Variants in PLCB4 observed in about 807,000 individuals in gnomAD.
The protein encoded by PLCB4 is 1-phosphatidylinositol 4,5-bisphosphate phosphodiesterase beta-4.
PLCB4 carries 77 observed loss-of-function variants against 178.8 expected under a neutral mutation model. The ratio of observed to expected loss-of-function variants is 0.43; its 90% CI spans 0.36 to 0.52. The LOEUF is 0.52. Ranked by LOEUF, PLCB4 falls within the 20% of genes least tolerant of loss-of-function variation. The pLI is 0.00. For synonymous variants in PLCB4, 496 were observed against 490.8 expected (o/e 1.01, Z -0.14); for missense variants, 1,024 against 1,453.4 (o/e 0.70, Z 4.80).
chr20:9,237,306 C>G (rs1184800122), intron 3 of PLCB4, among the ~76,000 whole-genome samples: 1 of 152,078 alleles, frequency 6.6e-6, no homozygotes, highest in Admixed American at 6.6e-5. Flanking sequence ...CCCCAACCCA[C>G]ACCCCCATAT....
intron 2 of PLCB4, among the ~76,000 whole-genome samples, chr20:9,207,178 T>A (rs1157357377): frequency 6.6e-6 from 1 of 152,152 alleles, no homozygotes; most frequent in Non-Finnish European, 1.5e-5. Flanking sequence ...AAGCATCAGA[T>A]TAAAGGAGGT....
chr20:9,373,268 G>T (rs2036401285), intron 12 of PLCB4, among the ~76,000 whole-genome samples, 164 bp downstream of exon 12: 1 of 152,158 alleles, frequency 6.6e-6, no homozygotes, highest in African/African-American at 2.4e-5. Context: ...CTGCCGCCCT[G>T]TGTGTTCATG....
At chr20:9,444,131 A>C (rs1180402739) in intron 31 of PLCB4, 47 bp from the exon 32 acceptor site, 1 of 1,499,630 alleles carries the variant, frequency 6.7e-7, no homozygotes, top group Admixed American at 1.8e-5. Context: ...GTGATTACAA[A>C]AAGAAAAAAC....
chr20:9,079,138 C>T (rs573870279), intron 1 of PLCB4, among the ~76,000 whole-genome samples: 42 of 152,326 alleles, frequency 2.8e-4, no homozygotes, highest in African/African-American at 9.4e-4. Flanking sequence ...TAGTGTTTCA[C>T]AGTTTACAGA....
At chr20:9,373,012 C>T (rs1359731503) in intron 11 of PLCB4, 35 bp from the exon 12 acceptor site, 6 of 1,006,116 alleles carry the variant, frequency 6.0e-6, no homozygotes, top group South Asian at 1.3e-5. Context: ...GCATCATATA[C>T]AAAAACTTAC....
chr20:9,088,957 A>G (rs1300708470), intron 1 of PLCB4, among the ~76,000 whole-genome samples: 2 of 152,058 alleles, frequency 1.3e-5, no homozygotes, highest in East Asian at 3.8e-4. Flanking sequence ...CAGAGAAATG[A>G]CATAATGATG....
chr20:9,370,021 C>T (rs759932531), intron 9 of PLCB4, among the ~76,000 whole-genome samples: 2 of 152,150 alleles, frequency 1.3e-5, no homozygotes, highest in Non-Finnish European at 2.9e-5. Context: ...ATTGAAGGCT[C>T]CTTGGTGGCT....
At chr20:9,289,303 G>T (rs2094560423) in intron 3 of PLCB4, among the ~76,000 whole-genome samples, 1 of 152,018 alleles carries the variant, frequency 6.6e-6, no homozygotes, top group Admixed American at 6.6e-5. Context: ...GCTAGATTGT[G>T]ATGTTTTTAT....
intron 2 of PLCB4, among the ~76,000 whole-genome samples, chr20:9,156,170 T>A (rs572200446): frequency 6.6e-6 from 1 of 152,326 alleles, no homozygotes; most frequent in African/African-American, 2.4e-5. Flanking sequence ...CTGTTCTTCA[T>A]CTCCAGATTG....
At chr20:9,091,778 A>G (rs1287171316) in intron 1 of PLCB4, among the ~76,000 whole-genome samples, 1 of 151,872 alleles carries the variant, frequency 6.6e-6, no homozygotes, top group Non-Finnish European at 1.5e-5. Flanking sequence ...TAAATACACA[A>G]TTATTTCAAC....
chr20:9,335,979 T>C (rs540393836), intron 4 of PLCB4, among the ~76,000 whole-genome samples: 1 of 152,340 alleles, frequency 6.6e-6, no homozygotes, highest in Non-Finnish European at 1.5e-5. Flanking sequence ...TTTACCTTGA[T>C]AAATGTTGTT....
At chr20:9,357,809 T>A (rs2148203878) in intron 7 of PLCB4, among the ~76,000 whole-genome samples, 1 of 152,336 alleles carries the variant, frequency 6.6e-6, no homozygotes, top group South Asian at 2.1e-4. Flanking sequence ...CTGTTGCTTA[T>A]AAGCTACCCA....
chr20:9,213,949 A>G (rs768493567), intron 2 of PLCB4, among the ~76,000 whole-genome samples: 1 of 152,104 alleles, frequency 6.6e-6, no homozygotes, highest in Non-Finnish European at 1.5e-5. Context: ...GGAAATGTCT[A>G]TTCAGGTCAT....
chr20:9,097,267 T>C (rs1195758635), intron 2 of PLCB4, among the ~76,000 whole-genome samples: 2 of 134,486 alleles, frequency 1.5e-5, no homozygotes, highest in Admixed American at 1.5e-4. Flanking sequence ...TTTTATCTCA[T>C]ACTTTTTATT....
At chr20:9,123,232 T>C (rs186635467) in intron 2 of PLCB4, among the ~76,000 whole-genome samples, 1 of 152,246 alleles carries the variant, frequency 6.6e-6, no homozygotes, top group Admixed American at 6.5e-5. Context: ...TATTCTTCAC[T>C]ACCTGTTTAT....
intron 38 of PLCB4, among the ~76,000 whole-genome samples, chr20:9,473,667 T>A (rs944852231): frequency 1.3e-5 from 2 of 152,228 alleles, no homozygotes; most frequent in African/African-American, 4.8e-5. Context: ...TTACGAAGTA[T>A]TTCTCCATTT....
intron 2 of PLCB4, among the ~76,000 whole-genome samples, chr20:9,135,523 G>A (rs1447205320): frequency 1.3e-5 from 2 of 152,000 alleles, no homozygotes; most frequent in Non-Finnish European, 2.9e-5. Context: ...TGTTTCTTGA[G>A]GGTATTAATT....
At chr20:9,290,180 C>G (rs199954808) in intron 3 of PLCB4, among the ~76,000 whole-genome samples, 1 of 142,934 alleles carries the variant, frequency 7.0e-6, no homozygotes, top group East Asian at 2.0e-4. Context: ...AAAAAAAAAC[C>G]AAAAAAAAAA....
chr20:9,372,221 C>T (rs1366406069), intron 10 of PLCB4, 82 bp from the exon 11 acceptor site: 1 of 778,630 alleles, frequency 1.3e-6, no homozygotes, highest in African/African-American at 1.8e-5. Context: ...GTGGTCTTCA[C>T]TGTGCTTCAT....
Sources: gnomAD v4.1 joint callset for allele counts (sites outside exome capture counted in the v4.1 genomes callset) on GRCh38, gnomAD v4.1.1 for gene constraint, MANE v1.5 for transcripts, NCBI Gene and HGNC (gene_info 2026-07-23, HGNC 2026-07-21) for gene names.